Variants in UXS1 observed in about 807,000 individuals in gnomAD.
The protein encoded by UXS1 is UDP-glucuronic acid decarboxylase 1.
A neutral mutation model predicts 62.6 loss-of-function variants in UXS1; 33 were observed. That is an observed-to-expected ratio of 0.53 (90% confidence interval 0.40 to 0.70). The LOEUF is 0.70. Ranked by LOEUF, UXS1 falls within the 30% of genes least tolerant of loss-of-function variation. The probability of loss-of-function intolerance (pLI) is 0.00; values close to 1 mark genes in which losing one functional copy is unlikely to be tolerated. For missense variants in UXS1, 434 were observed against 556.3 expected, an observed-to-expected ratio of 0.78 and a Z score of 2.21; for synonymous variants, 213 against 206.8, an observed-to-expected ratio of 1.03 and a Z score of -0.26.
chr2:106,094,280 G>C, intron 14 of UXS1, 123 bp from the exon 15 acceptor site: 1 of 494,308 alleles, frequency 2.0e-6, no homozygotes, highest in Non-Finnish European at 2.8e-6. Flanking sequence ...TCCTTCAGAG[G>C]AACACTCACA....
intron 1 of UXS1, among the ~76,000 whole-genome samples, chr2:106,184,355 G>C (rs1489299272): frequency 3.3e-5 from 5 of 152,210 alleles, no homozygotes; most frequent in African/African-American, 4.8e-5. Flanking sequence ...TACACATGAA[G>C]AATCTGGTAA....
intron 5 of UXS1, among the ~76,000 whole-genome samples, chr2:106,147,304 C>T (rs542131981): frequency 9.9e-5 from 15 of 152,272 alleles, no homozygotes; most frequent in African/African-American, 1.7e-4. Context: ...AACTGACCAA[C>T]GTTAATATTA....
intron 12 of UXS1, among the ~76,000 whole-genome samples, chr2:106,099,837 T>C (rs1185542098): frequency 1.3e-5 from 2 of 152,196 alleles, no homozygotes; most frequent in Non-Finnish European, 2.9e-5. Flanking sequence ...GTGAATTTTT[T>C]TCAAAAGTGG....
Position 106,093,941 on chromosome 2 carries a change from C to A in UXS1, c.*85G>T, listed in dbSNP as rs1676860753. 2 of 1,456,504 alleles carry A rather than the reference C, an allele frequency of 1.4e-6. No homozygotes were observed. The highest frequency in any genetic ancestry group is 1.8e-6 in the Non-Finnish European group (2 of 1,104,882). The allele number at this position is 1,456,504 out of a possible 1,614,324, so 90.2% of individuals were successfully genotyped here. A position where few individuals can be genotyped will look rare whatever the true frequency, so the allele number is the denominator to read the frequency against. On this transcript the variant is annotated 3_prime_UTR_variant, in exon 15 of 15. Transcript: ENST00000283148. ...TGTTCTTCATGACACCTGTTAAAGT[C>A]TTTCTTTAAACGACAACAAAAAAAA...
chr2:106,095,294 G>C (rs1676984634), intron 14 of UXS1, among the ~76,000 whole-genome samples: 1 of 152,146 alleles, frequency 6.6e-6, no homozygotes, highest in Admixed American at 6.5e-5. Flanking sequence ...AGAAACCTAG[G>C]CTGCTATAAC....
intron 11 of UXS1, chr2:106,101,695 C>T (rs1677611920): frequency 6.6e-6 from 1 of 152,270 alleles, no homozygotes; most frequent in African/African-American, 2.4e-5. Flanking sequence ...AAAGTCGCCA[C>T]CCCCCAAAAC....
chr2:106,187,884 G>A (rs1307963866), intron 1 of UXS1, among the ~76,000 whole-genome samples: 1 of 152,090 alleles, frequency 6.6e-6, no homozygotes, highest in Non-Finnish European at 1.5e-5. Context: ...GGGATTACAG[G>A]CGCCCGCCAC....
intron 1 of UXS1, among the ~76,000 whole-genome samples, chr2:106,186,059 A>G (rs1321264788): frequency 6.6e-6 from 1 of 152,234 alleles, no homozygotes; most frequent in Non-Finnish European, 1.5e-5. Context: ...TTTTCAAAAC[A>G]CCACCAGTTA....
At chr2:106,158,289 A>G (rs1682609749) in intron 4 of UXS1, among the ~76,000 whole-genome samples, 171 bp from the exon 5 acceptor site, 1 of 152,236 alleles carries the variant, frequency 6.6e-6, no homozygotes, top group Non-Finnish European at 1.5e-5. Flanking sequence ...ACTTGAGGTC[A>G]AGAGCTATAT....
chr2:106,115,577 C>A (rs1054381473), intron 9 of UXS1, among the ~76,000 whole-genome samples: 6 of 152,174 alleles, frequency 3.9e-5, no homozygotes, highest in African/African-American at 1.4e-4. Context: ...CTGAGCTGCA[C>A]CAACATAGAA....
chr2:106,137,045 A>G (rs1004767332), intron 6 of UXS1, among the ~76,000 whole-genome samples: 4 of 150,836 alleles, frequency 2.7e-5, no homozygotes. Context: ...GCTTATGGGA[A>G]GAATAATCTT....
At chr2:106,138,522 T>G in intron 6 of UXS1, 1 of 985,364 alleles carries the variant, frequency 1.0e-6, no homozygotes. Flanking sequence ...CTGGAAACCT[T>G]CCATTTACAA....
intron 12 of UXS1, among the ~76,000 whole-genome samples, chr2:106,099,621 A>C (rs1483194681): frequency 1.3e-5 from 2 of 152,320 alleles, no homozygotes; most frequent in East Asian, 3.9e-4. Flanking sequence ...GTCCCTGTGC[A>C]AAGGCCCTCC....
chr2:106,194,109 T>A, intron 1 of UXS1, 39 bp downstream of exon 1: 1 of 1,417,766 alleles, frequency 7.1e-7, no homozygotes, highest in Non-Finnish European at 9.3e-7. Context: ...CGCCGGGGAA[T>A]GAATGGGGCT....
At chr2:106,157,013 T>A (rs1682486808) in intron 5 of UXS1, among the ~76,000 whole-genome samples, 1 of 152,186 alleles carries the variant, frequency 6.6e-6, no homozygotes. Flanking sequence ...TGTTGCATTA[T>A]CCCACCTATA....
At chr2:106,100,067 G>C (rs1473128872) in intron 12 of UXS1, among the ~76,000 whole-genome samples, 1 of 152,210 alleles carries the variant, frequency 6.6e-6, no homozygotes, top group Non-Finnish European at 1.5e-5. Context: ...GAACTTTAGA[G>C]TGTTGTGTAG....
At chr2:106,094,206 G>T in intron 14 of UXS1, 49 bp from the exon 15 acceptor site, 1 of 857,664 alleles carries the variant, frequency 1.2e-6, no homozygotes, top group Non-Finnish European at 1.5e-6. Flanking sequence ...ATTGACAGAA[G>T]GGCATCGCAG....
intron 9 of UXS1, among the ~76,000 whole-genome samples, chr2:106,113,312 T>G (rs897247381): frequency 6.6e-6 from 1 of 152,226 alleles, no homozygotes; most frequent in African/African-American, 2.4e-5. Context: ...CTAAAAAACA[T>G]CTGTTTTAGT....
At chr2:106,105,788 T>C (rs1029018727) in intron 10 of UXS1, among the ~76,000 whole-genome samples, 47 of 152,344 alleles carry the variant, frequency 3.1e-4, no homozygotes, top group Admixed American at 1.2e-3. Context: ...GGAGATCTCC[T>C]AAGCGCGGCA....
Sources: allele counts gnomAD v4.1 joint callset (sites outside exome capture counted in the v4.1 genomes callset), GRCh38; gene constraint gnomAD v4.1.1; transcripts MANE v1.5; gene names NCBI Gene and HGNC (gene_info 2026-07-23, HGNC 2026-07-21).